The following EML3 variants were observed in gnomAD, a reference collection of about 807,000 sequenced individuals.
EML3 encodes EMAP like 3, also known as echinoderm microtubule-associated protein-like 3.
A neutral mutation model predicts 106.7 loss-of-function variants in EML3; 53 were observed. The ratio of observed to expected loss-of-function variants is 0.50; its 90% CI spans 0.40 to 0.62. EML3 has a LOEUF of 0.62. Ranked by LOEUF, EML3 falls within the 20% of genes least tolerant of loss-of-function variation. EML3 has a pLI of 0.00. For missense variants in EML3, 994 were observed against 1,209.1 expected, an observed-to-expected ratio of 0.82 and a Z score of 2.64; for synonymous variants, 499 against 489.6, an observed-to-expected ratio of 1.02 and a Z score of -0.25.
At chr11:62,603,024 G>C (rs1942319275) in intron 20 of EML3, 125 bp downstream of exon 20, 1 of 991,332 alleles carries the variant, frequency 1.0e-6, no homozygotes, top group South Asian at 1.6e-5. Context: ...GTCCCGAGGG[G>C]CCTCCTGGGC....
rs1044450591 is a variant in EML3, at chr11:62,602,470, A to T, written c.*5T>A. ...GCCGGGCCAGTCGGTCCCGCCAGGC[A>T]GCGATCAAACGTCGAGGGAGGAGGC... On this transcript the variant is annotated 3_prime_UTR_variant, in exon 22 of 22. Transcript: ENST00000394773. The T allele has an allele frequency of 6.5e-7, 1 of 1,541,628 alleles. No homozygotes were observed. Among genetic ancestry groups the T allele is most frequent in the Non-Finnish European group, 8.8e-7 (1 of 1,141,604 alleles).
Position 62,602,463 on chromosome 11 carries a change from G to T in EML3, c.*12C>A, listed in dbSNP as rs554303645. ...CCACGCCGCCGGGCCAGTCGGTCCC[G>T]CCAGGCAGCGATCAAACGTCGAGGG... On this transcript the variant is annotated 3_prime_UTR_variant, in exon 22 of 22. Transcript: ENST00000394773. 5 of 1,542,544 alleles carry T rather than the reference G, an allele frequency of 3.2e-6. No individual in the cohort carries two copies. The African/African-American group carries it at 4.1e-5, about 13-fold the overall frequency.
intron 11 of EML3, chr11:62,607,333 C>CAA (rs113338347): frequency 1.8e-4 from 67 of 363,018 alleles, no homozygotes; most frequent in East Asian, 2.8e-4. Context: ...ACAAAAAAAA[C>CAA]AAAAAAAAAA....
intron 16 of EML3, chr11:62,604,716 G>C (rs1942426923): frequency 5.0e-6 from 1 of 200,138 alleles, no homozygotes; most frequent in Admixed American, 5.3e-5. Flanking sequence ...AAGGAGCTAA[G>C]TGTGGATAAA....
chr11:62,608,944 C>A lies in EML3; in HGVS notation c.929+18G>T. On this transcript the variant is annotated intron_variant, in intron 7 of 21. Transcript: ENST00000394773. Reference sequence around the variant, plus strand: ...CAGACCCTCTTCCTGCCAAGCCCACCAGCCCCGGACTCCTCACCATCGAAC... The same window carrying A: ...CAGACCCTCTTCCTGCCAAGCCCACAAGCCCCGGACTCCTCACCATCGAAC... The A allele has an allele frequency of 1.2e-6, 2 of 1,610,986 alleles. No individual in the cohort carries two copies. Among genetic ancestry groups the A allele is most frequent in the Non-Finnish European group, 1.7e-6 (2 of 1,177,800 alleles).
In EML3 at chr11:62,603,754, A is replaced by G; in HGVS notation, c.2232T>C (p.Asn744=). 6.2e-7 allele frequency: 1 copy of G among 1,614,138 alleles called. No individual in the cohort carries two copies. Among genetic ancestry groups the G allele is most frequent in the Non-Finnish European group, 8.5e-7 (1 of 1,180,008 alleles). ...AGTAAAGAATCTCATAGTCCCCAGAATTGGACATGATGAAATTCCCATCCT... is the reference window on the plus strand; with the variant it reads ...AGTAAAGAATCTCATAGTCCCCAGAGTTGGACATGATGAAATTCCCATCCT... ...WSKDGNFIMS[N]SGDYEILYWD... is the part of the protein sequence containing the mutation. Residue 744 remains asparagine (N), a synonymous_variant, in exon 19 of 22, where the codon AAT becomes AAC. Transcript: ENST00000394773.
At position 62,605,235 on chromosome 11, in the gene EML3, G is replaced by T. The variant is rs1942452847; in HGVS notation, c.1915-55C>A. 1 of 1,573,392 alleles carries T rather than the reference G, an allele frequency of 6.4e-7. No individual in the cohort carries two copies. Among genetic ancestry groups the T allele is most frequent in the South Asian group, 1.1e-5 (1 of 87,728 alleles). Reference sequence around the variant, plus strand: ...TGATGTCTTTCTAGTGAGGGAACCAGAGTGAACCCCTTGTCCTCCTAACTT... The same window carrying T: ...TGATGTCTTTCTAGTGAGGGAACCATAGTGAACCCCTTGTCCTCCTAACTT... On this transcript the variant is annotated intron_variant, in intron 15 of 21. Coordinates refer to ENST00000394773, the MANE Select transcript of EML3 (RefSeq NM_153265.3). The surrounding 1 kb of genome is among the most constrained non-coding windows in gnomAD (Gnocchi z 5.2).
Position 62,602,860 on chromosome 11 carries a change from C to T in EML3, c.2386G>A (p.Asp796Asn), listed in dbSNP as rs1368062366. Residue 796 changes from aspartate (D) to asparagine (N), a missense_variant, in exon 21 of 22, where the codon GAC becomes AAC. Asp to Asn is a conservative substitution (Grantham distance 23, BLOSUM62 1). Around this residue, in one of 3 missense-constraint regions of EML3, gnomAD observed 713 missense variants for 920.5 expected, o/e 0.77. Coordinates refer to ENST00000394773, the MANE Select transcript of EML3 (RefSeq NM_153265.3). The part of the protein sequence containing the change: ...GVWPDGSDGT[D>N]INSLCRSHNE... ...TGGGAGCGGCACAGGGAGTTGATGT[C>T]GGTCCCATCGGAGCCGTCCGGCCAG... is the stretch of plus-strand genomic sequence containing the variant. 4 of 1,594,884 alleles carry T rather than the reference C, an allele frequency of 2.5e-6. No individual in the cohort carries two copies. Among genetic ancestry groups the T allele is most frequent in the Non-Finnish European group, 3.4e-6 (4 of 1,171,066 alleles).
chr11:62,609,709 G>A lies in EML3; in HGVS notation c.567-13C>T. 6.3e-7 allele frequency: 1 copy of A among 1,590,436 alleles called. No homozygotes were observed. The highest frequency in any genetic ancestry group is 1.1e-5 in the South Asian group (1 of 87,698). On this transcript the variant is annotated splice_polypyrimidine_tract_variant and intron_variant, in intron 4 of 21. Coordinates refer to ENST00000394773, the MANE Select transcript of EML3 (RefSeq NM_153265.3). Reference sequence around the variant, plus strand: ...TTTTCCCCCACGGCTGTTGGGAAGAGAGAAAGCACAGGGATTGGGGTCAGG... The same window carrying A: ...TTTTCCCCCACGGCTGTTGGGAAGAAAGAAAGCACAGGGATTGGGGTCAGG...
intron 19 of EML3, 92 bp from the exon 20 acceptor site, chr11:62,603,339 AC>A: frequency 8.2e-7 from 1 of 1,224,870 alleles, no homozygotes. Flanking sequence ...CTGGCATGAA[AC>A]CCGGCGATGG....
intron 1 of EML3, chr11:62,612,036 A>T: frequency 2.7e-6 from 1 of 376,430 alleles, no homozygotes; most frequent in Non-Finnish European, 4.8e-6. Context: ...GCGGGAATGG[A>T]GTCATACTGA....
intron 4 of EML3, 111 bp downstream of exon 4, chr11:62,610,768 C>T (rs1942767989): frequency 1.1e-6 from 1 of 934,492 alleles, no homozygotes; most frequent in Non-Finnish European, 1.6e-6. Context: ...TTTCTTTATT[C>T]CTGTTGGGCA....
intron 1 of EML3, chr11:62,611,961 A>C: frequency 2.7e-6 from 1 of 365,312 alleles, no homozygotes; most frequent in East Asian, 5.5e-5. Flanking sequence ...CGCCCCCAGC[A>C]AGCTCAGGTC....
At chr11:62,606,352 A>G in intron 12 of EML3, 138 bp from the exon 13 acceptor site, 1 of 974,810 alleles carries the variant, frequency 1.0e-6, no homozygotes, top group Non-Finnish European at 1.5e-6. Context: ...TCATACTGCC[A>G]ACACATCTGT....
chr11:62,606,417 T>A (rs1207921367), intron 12 of EML3: 2 of 671,652 alleles, frequency 3.0e-6, no homozygotes, highest in Non-Finnish European at 4.9e-6. Flanking sequence ...TGAGGTAACT[T>A]CCTAAAGGCA....
rs764165366 is a variant in EML3 at position 62,611,598 on chromosome 11, TG to T, written c.23-3del. The T allele has an allele frequency of 1.2e-5, 20 of 1,611,718 alleles. No individual in the cohort carries two copies. In the Middle Eastern group the frequency reaches 4.9e-4, roughly 40 times the overall value. ...GGGCCTCCCGAGCAGGGCCGTCACCTGGGAAAAGGGCAAGAGGTACTCAGAA... is the reference window on the plus strand; with the variant it reads ...GGGCCTCCCGAGCAGGGCCGTCACCTGGAAAAGGGCAAGAGGTACTCAGAA... On this transcript the variant is annotated splice_region_variant and splice_polypyrimidine_tract_variant and intron_variant, in intron 1 of 21. Coordinates refer to ENST00000394773, the MANE Select transcript of EML3 (RefSeq NM_153265.3).
At position 62,606,058 on chromosome 11, in the gene EML3, C is replaced by G. The variant is rs1942501016; in HGVS notation, c.1656+5G>C. On this transcript the variant is annotated splice_donor_5th_base_variant and intron_variant, in intron 13 of 21. Transcript: ENST00000394773. ...TCACTCCCTTGACCCCAGCCCAGCC[C>G]TCACCTCAGCCTCCTGGAGGGCCAC... 6.2e-7 allele frequency: 1 copy of G among 1,613,808 alleles called. No homozygotes were observed.
rs559262237 is a variant in EML3 at position 62,607,265 on chromosome 11, T to A, written c.1363-166A>T. On this transcript the variant is annotated intron_variant, in intron 11 of 21. Transcript: ENST00000394773. ...GAGTTTGTGACCAGCCTGGCCAATA[T>A]GGTGAAATCCCGCACTGCACTCCAG... The A allele has an allele frequency of 1.2e-5, 9 of 744,886 alleles. No individual in the cohort carries two copies. The South Asian group carries it at 1.7e-4, about 14-fold the overall frequency. 46.1% of individuals were successfully genotyped at this position (744,886 alleles called of 1,614,324 possible).
At chr11:62,604,735 G>A (rs1419986371) in intron 16 of EML3, 2 of 195,242 alleles carry the variant, frequency 1.0e-5, no homozygotes, top group African/African-American at 4.7e-5. Flanking sequence ...AAGGCTGAGG[G>A]GCTTCTGATG....
Sources: allele counts gnomAD v4.1 joint callset, GRCh38; gene constraint gnomAD v4.1.1; regional missense constraint gnomAD v4.1.1; non-coding constraint Gnocchi (gnomAD v3.1); transcripts MANE v1.5; gene names NCBI Gene and HGNC (gene_info 2026-07-23, HGNC 2026-07-21).